Variants in STRBP observed in about 807,000 individuals in gnomAD.
The protein encoded by STRBP is spermatid perinuclear RNA-binding protein.
STRBP carries 13 observed loss-of-function variants against 80.1 expected under a neutral mutation model. The observed-to-expected ratio is 0.16, with a 90% CI of 0.11 to 0.26. The LOEUF is 0.26. STRBP is among the 10% of genes least tolerant of loss of function. STRBP has a pLI of 1.00. For missense variants in STRBP, 485 were observed against 815.2 expected (o/e 0.59, Z 4.93); for synonymous variants, 284 against 291.2 (o/e 0.98, Z 0.25).
At chr9:123,232,795 T>C (rs577118317) in intron 2 of STRBP, among the ~76,000 whole-genome samples, 3 of 152,310 alleles carry the variant, frequency 2.0e-5, no homozygotes, top group Admixed American at 2.0e-4. Flanking sequence ...GTTCCAGCCC[T>C]TCCCAAAGCC....
intron 11 of STRBP, among the ~76,000 whole-genome samples, chr9:123,149,609 G>C (rs2036970031): frequency 6.6e-6 from 1 of 152,070 alleles, no homozygotes; most frequent in South Asian, 2.1e-4. Context: ...GGAGAAAAAG[G>C]GTCTTGCTTT....
intron 8 of STRBP, 68 bp from the exon 9 acceptor site, chr9:123,159,275 C>T (rs1371951419): frequency 9.1e-7 from 1 of 1,102,220 alleles, no homozygotes; most frequent in Non-Finnish European, 1.3e-6. Context: ...TAAATGTGAG[C>T]TAACATTTCT....
intron 2 of STRBP, among the ~76,000 whole-genome samples, chr9:123,185,099 TA>T (rs568065774): frequency 2.3e-4 from 33 of 145,790 alleles, no homozygotes; most frequent in Middle Eastern, 3.5e-3. Flanking sequence ...AGAAAAAAAT[TA>T]AAAAAAAAAA....
rs142023602 is a variant in STRBP at position 123,252,479 on chromosome 9, GAAATGTC to G, written c.-301-15520_-301-15514del. Among the ~76,000 whole-genome samples, 35 of 152,288 alleles carry G rather than the reference GAAATGTC, an allele frequency of 2.3e-4. 1 individual carries two copies. In the East Asian group the frequency reaches 6.6e-3, roughly 29 times the overall value. On this transcript the variant is annotated intron_variant, in intron 1 of 18. Coordinates refer to ENST00000348403, the MANE Select transcript of STRBP (RefSeq NM_018387.5). Reference sequence around the variant, plus strand: ...CATTTCTGCTGGTTTCAGAGAGAATGAAATGTCACCACTAGGTCAAAACAGAAAAGCA... The same window carrying G: ...CATTTCTGCTGGTTTCAGAGAGAATGACCACTAGGTCAAAACAGAAAAGCA...
At chr9:123,169,869 T>TATAC in intron 6 of STRBP, 33 bp downstream of exon 6, 5 of 1,105,592 alleles carry the variant, frequency 4.5e-6, no homozygotes, top group South Asian at 3.5e-5. Context: ...ACAACAAATA[T>TATAC]ATACATATAT....
rs564682938 is a variant in STRBP at position 123,125,119 on chromosome 9, TA to T, written c.*477del. 3 of 985,530 alleles carry T rather than the reference TA, an allele frequency of 3.0e-6. No homozygotes were observed. The highest frequency in any genetic ancestry group is 4.7e-5 in the South Asian group (1 of 21,286). The allele number at this position is 985,530 out of a possible 1,614,324, so 61.0% of individuals were successfully genotyped here. On this transcript the variant is annotated 3_prime_UTR_variant, in exon 19 of 19. Coordinates refer to ENST00000348403, the MANE Select transcript of STRBP (RefSeq NM_018387.5). ...GTTAAATGAAAAGTCTCTATTGTAT[TA>T]AAAAAAATAACTACAGCCCAAATTA...
intron 2 of STRBP, among the ~76,000 whole-genome samples, chr9:123,199,738 G>C (rs994019485): frequency 1.3e-4 from 20 of 152,202 alleles, no homozygotes; most frequent in African/African-American, 4.8e-4. Flanking sequence ...ATTACAAACT[G>C]AGAGTTTACT....
At chr9:123,166,437 G>C (rs2037761578) in intron 6 of STRBP, among the ~76,000 whole-genome samples, 1 of 152,118 alleles carries the variant, frequency 6.6e-6, no homozygotes, top group Non-Finnish European at 1.5e-5. Flanking sequence ...ACCTACCCAA[G>C]GTCACACAGC....
rs141515898 is a variant in STRBP at position 123,115,696 on chromosome 9, G to A, written c.*84+233C>T. ...GGCAGCATCACCAGTCAACATCAGA[G>A]TTCGTCCAAACTGACATTCCACAGC... On this transcript the variant is annotated intron_variant and NMD_transcript_variant, in intron 3 of 3. Coordinates refer to the STRBP transcript ENST00000471564. This position sits in a 1 kb window ranked among gnomAD's most constrained non-coding sequence, Gnocchi z 5.0. 21 of 335,450 alleles carry A rather than the reference G, an allele frequency of 6.3e-5. No individual in the cohort carries two copies. The East Asian group carries it at 1.5e-3, about 24-fold the overall frequency. 20.8% of individuals were successfully genotyped at this position (335,450 alleles called of 1,614,324 possible).
intron 2 of STRBP, among the ~76,000 whole-genome samples, chr9:123,193,540 T>C (rs969447119): frequency 6.6e-6 from 1 of 152,218 alleles, no homozygotes; most frequent in Non-Finnish European, 1.5e-5. Context: ...ACTTTACTTC[T>C]GGCATAAATA....
At chr9:123,226,117 G>C (rs1468358020) in intron 2 of STRBP, among the ~76,000 whole-genome samples, 1 of 152,130 alleles carries the variant, frequency 6.6e-6, no homozygotes, top group Non-Finnish European at 1.5e-5. Flanking sequence ...CCTGATACAT[G>C]CAATTACACA....
intron 2 of STRBP, among the ~76,000 whole-genome samples, chr9:123,186,215 G>C (rs528694476): frequency 6.6e-6 from 1 of 152,168 alleles, no homozygotes; most frequent in South Asian, 2.1e-4. Flanking sequence ...GGGCATAGTG[G>C]CACATGCCTG....
intron 3 of STRBP, chr9:123,181,010 G>T: frequency 1.2e-6 from 1 of 819,810 alleles, no homozygotes; most frequent in Non-Finnish European, 1.5e-6. Context: ...TTGGATAACA[G>T]TAAATTAACA....
In STRBP at chr9:123,128,261, AG is replaced by A; in HGVS notation, c.1898-4del. The A allele has an allele frequency of 6.2e-7, 1 of 1,614,172 alleles. No individual in the cohort carries two copies. The highest frequency in any genetic ancestry group is 8.5e-7 in the Non-Finnish European group (1 of 1,180,016). Reference sequence around the variant, plus strand: ...GTAACCATATGGTGTTCCATAGCCTAGTGCAAAGAAGAAGAAGGCAGATCAG... The same window carrying A: ...GTAACCATATGGTGTTCCATAGCCTATGCAAAGAAGAAGAAGGCAGATCAG... On this transcript the variant is annotated splice_polypyrimidine_tract_variant and splice_region_variant and intron_variant, in intron 17 of 18. Coordinates refer to ENST00000348403, the MANE Select transcript of STRBP (RefSeq NM_018387.5).
intron 2 of STRBP, among the ~76,000 whole-genome samples, chr9:123,216,551 G>A (rs1251292136): frequency 6.6e-6 from 1 of 152,178 alleles, no homozygotes; most frequent in Non-Finnish European, 1.5e-5. Context: ...CGTGACCACA[G>A]CTGCTGTGCT....
At chr9:123,158,521 A>T in intron 9 of STRBP, 92 bp from the exon 10 acceptor site, 1 of 1,133,176 alleles carries the variant, frequency 8.8e-7, no homozygotes, top group Non-Finnish European at 1.3e-6. Context: ...GAGAATGAAG[A>T]GAAAATGAAA....
intron 2 of STRBP, among the ~76,000 whole-genome samples, chr9:123,204,763 G>GA (rs547396235): frequency 5.4e-4 from 78 of 143,274 alleles, no homozygotes; most frequent in East Asian, 1.4e-3. Flanking sequence ...TAAAAATACA[G>GA]AAAAAAAAAA....
intron 1 of STRBP, among the ~76,000 whole-genome samples, chr9:123,244,830 TG>T (rs2040766928): frequency 6.6e-6 from 1 of 152,242 alleles, no homozygotes; most frequent in African/African-American, 2.4e-5. Flanking sequence ...TGGAAAATTA[TG>T]ACCATTCAAA....
chr9:123,161,161 G>A (rs757403964), intron 6 of STRBP, 93 bp from the exon 7 acceptor site: 17 of 985,210 alleles, frequency 1.7e-5, no homozygotes, highest in Non-Finnish European at 2.2e-5. Flanking sequence ...AAGAATAACA[G>A]CATTTGAGTG....
Sources: gnomAD v4.1 joint callset for allele counts (sites outside exome capture counted in the v4.1 genomes callset) on GRCh38, gnomAD v4.1.1 for gene constraint, Gnocchi (gnomAD v3.1) non-coding constraint, MANE v1.5 for transcripts, NCBI Gene and HGNC (gene_info 2026-07-23, HGNC 2026-07-21) for gene names.